PAPPA2: variants seen among roughly 807,000 people sequenced by gnomAD.
The protein encoded by PAPPA2 is pappalysin 2, also known as pappalysin-2.
In PAPPA2, 86 loss-of-function variants were observed where a neutral mutation model predicts 176.4. The ratio of observed to expected loss-of-function variants is 0.49; its 90% CI spans 0.41 to 0.58. The LOEUF (loss-of-function observed/expected upper bound fraction) is 0.58. PAPPA2 is among the 20% of genes least tolerant of loss of function. PAPPA2 has a pLI of 0.00. For missense variants in PAPPA2, 2,073 were observed against 2,256.9 expected (o/e 0.92, Z 1.65); for synonymous variants, 809 against 852.2 (o/e 0.95, Z 0.88).
intron 21 of PAPPA2, among the ~76,000 whole-genome samples, chr1:176,827,307 C>T (rs1666897000): frequency 6.6e-6 from 1 of 152,148 alleles, no homozygotes; most frequent in South Asian, 2.1e-4. Context: ...TCCCTATTGT[C>T]TTCAGAATAC....
At chr1:176,744,399 G>C (rs1273427725) in intron 14 of PAPPA2, among the ~76,000 whole-genome samples, 1 of 152,150 alleles carries the variant, frequency 6.6e-6, no homozygotes, top group Non-Finnish European at 1.5e-5. Flanking sequence ...ATTTTGCCAT[G>C]TCCAACTACT....
At position 176,695,862 on chromosome 1, in the gene PAPPA2, A is replaced by T. The variant is rs371758536; in HGVS notation, c.2746+3A>T. ...TTGGACCCCAGAGGAGGCTGTGGGT[A>T]AAGTACCATGACATTTTTTCTTTAT... On this transcript the variant is annotated splice_donor_region_variant and intron_variant, in intron 7 of 22. Transcript: ENST00000367662. 59 of 1,613,612 alleles carry T rather than the reference A, an allele frequency of 3.7e-5. No homozygotes were observed. The African/African-American group carries it at 7.7e-4, about 21-fold the overall frequency.
chr1:176,539,206 T>C (rs547334696), intron 1 of PAPPA2, among the ~76,000 whole-genome samples: 38 of 151,934 alleles, frequency 2.5e-4, no homozygotes, highest in Non-Finnish European at 5.3e-4. Context: ...GACTCAGGAG[T>C]CGCTCCAATT....
chr1:176,502,199 A>C (rs2102510166), intron 1 of PAPPA2, among the ~76,000 whole-genome samples: 1 of 152,286 alleles, frequency 6.6e-6, no homozygotes, highest in African/African-American at 2.4e-5. Flanking sequence ...TTCAGAATCT[A>C]ACAAACAATT....
At chr1:176,567,190 C>T (rs1652035546) in intron 2 of PAPPA2, among the ~76,000 whole-genome samples, 1 of 152,170 alleles carries the variant, frequency 6.6e-6, no homozygotes, top group Admixed American at 6.5e-5. Context: ...TTAAAGAGAA[C>T]ATCCAGTAAA....
chr1:176,718,986 G>A (rs538071690), intron 12 of PAPPA2, among the ~76,000 whole-genome samples: 94 of 151,910 alleles, frequency 6.2e-4, no homozygotes, highest in African/African-American at 2.3e-3. Flanking sequence ...TGTTTCCATC[G>A]GGTACTGAGA....
intron 17 of PAPPA2, among the ~76,000 whole-genome samples, chr1:176,783,070 G>A (rs1249333070): frequency 6.6e-6 from 1 of 152,194 alleles, no homozygotes; most frequent in Non-Finnish European, 1.5e-5. Flanking sequence ...GCAGATGATA[G>A]TATCATTTAC....
At chr1:176,716,007 A>T (rs1255813377) in intron 12 of PAPPA2, among the ~76,000 whole-genome samples, 1 of 150,916 alleles carries the variant, frequency 6.6e-6, no homozygotes, top group Non-Finnish European at 1.5e-5. Flanking sequence ...AATTAATATT[A>T]ATAACTTCAA....
At chr1:176,619,889 T>C (rs1655487505) in intron 3 of PAPPA2, among the ~76,000 whole-genome samples, 3 of 152,208 alleles carry the variant, frequency 2.0e-5, no homozygotes, top group Middle Eastern at 3.2e-3. Context: ...AAACAATTCA[T>C]TGATTTTGGT....
chr1:176,738,473 A>G (rs891748489), intron 12 of PAPPA2, among the ~76,000 whole-genome samples: 1 of 152,062 alleles, frequency 6.6e-6, no homozygotes, highest in Non-Finnish European at 1.5e-5. Flanking sequence ...AAATGAAAAC[A>G]TGTTTTACTC....
At chr1:176,809,471 G>C (rs1476018177) in intron 21 of PAPPA2, among the ~76,000 whole-genome samples, 2 of 152,124 alleles carry the variant, frequency 1.3e-5, no homozygotes, top group African/African-American at 2.4e-5. Flanking sequence ...TTTCTTCTCT[G>C]TTGTCTTGGA....
chr1:176,747,523 T>A (rs1207717268), intron 14 of PAPPA2, among the ~76,000 whole-genome samples: 1 of 152,082 alleles, frequency 6.6e-6, no homozygotes, highest in Admixed American at 6.6e-5. Context: ...AAAATAAAAA[T>A]CTTGTTTCTT....
At chr1:176,607,781 A>T (rs1285053091) in intron 3 of PAPPA2, among the ~76,000 whole-genome samples, 1 of 152,208 alleles carries the variant, frequency 6.6e-6, no homozygotes, top group Non-Finnish European at 1.5e-5. Flanking sequence ...AGGTTTGGCT[A>T]ACCGGCTTTT....
At chr1:176,758,475 G>C (rs915131639) in intron 14 of PAPPA2, among the ~76,000 whole-genome samples, 2 of 152,158 alleles carry the variant, frequency 1.3e-5, no homozygotes, top group Non-Finnish European at 2.9e-5. Flanking sequence ...TGAGGACTCT[G>C]TCTCATCCAG....
intron 8 of PAPPA2, among the ~76,000 whole-genome samples, chr1:176,702,239 T>G (rs1449231679): frequency 6.6e-6 from 1 of 152,216 alleles, no homozygotes; most frequent in Non-Finnish European, 1.5e-5. Flanking sequence ...TCCAGTTTCT[T>G]TGATTACTTT....
intron 2 of PAPPA2, among the ~76,000 whole-genome samples, chr1:176,592,592 G>C (rs1573092136): frequency 6.6e-6 from 1 of 152,256 alleles, no homozygotes; most frequent in African/African-American, 2.4e-5. Flanking sequence ...GCAAATTAAA[G>C]TGTTTAAATT....
rs184092129 is a variant in PAPPA2, at chr1:176,566,233, G to T, written c.919+8992G>T. On this transcript the variant is annotated intron_variant, in intron 2 of 22. Coordinates refer to ENST00000367662, the MANE Select transcript of PAPPA2 (RefSeq NM_020318.3). ...GTTTGGTGTCTGACTCACAGGGTTA[G>T]ATCTGGGCCTTTGGGGTCATCCAGT... 9.2e-5 allele frequency among the ~76,000 whole-genome samples: 14 copies of T among 152,282 alleles called. No homozygotes were observed. The East Asian group carries it at 2.7e-3, about 29-fold the overall frequency.
At chr1:176,717,756 T>C (rs974270065) in intron 12 of PAPPA2, among the ~76,000 whole-genome samples, 1 of 152,272 alleles carries the variant, frequency 6.6e-6, no homozygotes. Context: ...TCTCTCTTTG[T>C]TCTGTTACTA....
At chr1:176,786,850 C>T (rs1398519525) in intron 17 of PAPPA2, among the ~76,000 whole-genome samples, 2 of 152,108 alleles carry the variant, frequency 1.3e-5, no homozygotes, top group African/African-American at 2.4e-5. Context: ...CATATGTTCT[C>T]ACTTATAAGT....
Sources: gnomAD v4.1 joint callset for allele counts (sites outside exome capture counted in the v4.1 genomes callset) on GRCh38, gnomAD v4.1.1 for gene constraint, MANE v1.5 for transcripts, NCBI Gene and HGNC (gene_info 2026-07-23, HGNC 2026-07-21) for gene names.